The following SNIP1 variants were observed in gnomAD, a reference collection of about 807,000 sequenced individuals.
SNIP1 encodes smad nuclear-interacting protein 1.
SNIP1 carries 23 observed loss-of-function variants against 37.4 expected under a neutral mutation model. The ratio of observed to expected loss-of-function variants is 0.61; its 90% CI spans 0.44 to 0.87. The LOEUF (loss-of-function observed/expected upper bound fraction) is 0.87. Among genes scored for constraint, SNIP1 ranks in the 40% least tolerant of loss-of-function variants. The pLI is 0.00. For missense variants in SNIP1, 459 were observed against 540.4 expected (o/e 0.85, Z 1.49); for synonymous variants, 174 against 200.0 (o/e 0.87, Z 1.10).
rs1478911110 is a variant in SNIP1, at chr1:37,540,193, G to A, written c.890C>T (p.Pro297Leu). ...GACCGCATGCTGCTTTGAACAAGACGGGTGATCAATTGGAATGTCTGCAAT... is the reference window on the plus strand; with the variant it reads ...GACCGCATGCTGCTTTGAACAAGACAGGTGATCAATTGGAATGTCTGCAAT... ...RRIADIPIDH[P>L]SCSKQHAVFQ... Residue 297 changes from proline to leucine, a missense_variant, in exon 3 of 4, where the codon CCG becomes CTG. Transcript: ENST00000296215. This position sits in a 1 kb window ranked among gnomAD's most constrained non-coding sequence, Gnocchi z 5.6. The A allele has an allele frequency of 6.2e-7, 1 of 1,603,306 alleles. No individual in the cohort carries two copies. The highest frequency in any genetic ancestry group is 8.5e-7 in the Non-Finnish European group (1 of 1,171,266).
chr1:37,542,022 ATTTC>A (rs755142497), intron 2 of SNIP1, among the ~76,000 whole-genome samples: 9 of 152,062 alleles, frequency 5.9e-5, no homozygotes, highest in Non-Finnish European at 1.3e-4. Flanking sequence ...TTTTGTTTTA[ATTTC>A]TTTAAGTTGA....
At chr1:37,546,145 ACCC>A (rs34099617) in intron 2 of SNIP1, among the ~76,000 whole-genome samples, 70,281 of 125,352 alleles carry the variant, frequency 0.56, 19,983 homozygotes, top group East Asian at 0.77. Flanking sequence ...TGGGACTAAG[ACCC>A]CCCCCCCCCC....
intron 2 of SNIP1, among the ~76,000 whole-genome samples, chr1:37,543,652 AGATACTT>A (rs1321056590): frequency 5.3e-5 from 8 of 152,118 alleles, no homozygotes; most frequent in African/African-American, 1.9e-4. Flanking sequence ...TAATTTAACT[AGATACTT>A]ATTAAATTTT....
chr1:37,551,092 C>T (rs1316428432), intron 2 of SNIP1, among the ~76,000 whole-genome samples: 1 of 151,500 alleles, frequency 6.6e-6, no homozygotes, highest in African/African-American at 2.4e-5. Flanking sequence ...CACACACACA[C>T]ACACACACAC....
intron 2 of SNIP1, chr1:37,545,030 T>A: frequency 1.3e-6 from 1 of 759,104 alleles, no homozygotes; most frequent in South Asian, 1.3e-5. Flanking sequence ...CCATGATGAC[T>A]GGGAGAGCAG....
chr1:37,540,452 C>A lies in SNIP1; in HGVS notation c.631G>T (p.Gly211Cys), dbSNP rs771753016. ...GGCACCTCTTTTTCTTTGTTGTTGC[C>A]ACCAGGCCGAGGAACCAACTCCTGA... ...ESQELVPRPG[G>C]NNKEKEVPAK... The change falls in exon 3 of 4, where the codon GGC (glycine) becomes TGC (cysteine). Residue 211 changes from glycine (G) to cysteine (C), a missense_variant. Transcript: ENST00000296215. The surrounding 1 kb of genome is among the most constrained non-coding windows in gnomAD (Gnocchi z 5.6). The A allele has an allele frequency of 1.9e-6, 3 of 1,614,072 alleles. No individual in the cohort carries two copies. Among genetic ancestry groups the A allele is most frequent in the Non-Finnish European group, 2.5e-6 (3 of 1,180,004 alleles).
Position 37,538,159 on chromosome 1 carries a change from T to A in SNIP1, c.927-147A>T, listed in dbSNP as rs1039202041. 8.0e-6 allele frequency: 8 copies of A among 995,262 alleles called. No homozygotes were observed. The East Asian group carries it at 2.1e-4, about 27-fold the overall frequency. 61.7% of individuals were successfully genotyped at this position (995,262 alleles called of 1,614,324 possible). On this transcript the variant is annotated intron_variant, in intron 3 of 3. Transcript: ENST00000296215. ...TTAAAATTCTAGGGAATCAAAGAAA[T>A]CAAGGGGAAAGCATGGCCCTGGGAA...
chr1:37,553,797 C>G (rs1643329742), intron 1 of SNIP1, among the ~76,000 whole-genome samples: 1 of 152,122 alleles, frequency 6.6e-6, no homozygotes, highest in South Asian at 2.1e-4. Context: ...GGGATCCTGC[C>G]GGTTAGTCAT....
chr1:37,540,042 G>A lies in SNIP1; in HGVS notation c.926+115C>T. Reference sequence around the variant, plus strand: ...GCAGTTAGATTAACAATACTCTTTAGATAACATATGAGGGGTATGGGATTC... The same window carrying A: ...GCAGTTAGATTAACAATACTCTTTAAATAACATATGAGGGGTATGGGATTC... On this transcript the variant is annotated intron_variant, in intron 3 of 3. Coordinates refer to ENST00000296215, the MANE Select transcript of SNIP1 (RefSeq NM_024700.4). This position sits in a 1 kb window ranked among gnomAD's most constrained non-coding sequence, Gnocchi z 5.6. 1 of 808,712 alleles carries A rather than the reference G, an allele frequency of 1.2e-6. No individual in the cohort carries two copies. Among genetic ancestry groups the A allele is most frequent in the Middle Eastern group, 2.6e-4 (1 of 3,914 alleles). 50.1% of individuals were successfully genotyped at this position (808,712 alleles called of 1,614,324 possible). A position where few individuals can be genotyped will look rare whatever the true frequency, so the allele number is the denominator to read the frequency against.
Position 37,554,082 on chromosome 1 carries a change from C to A in SNIP1, c.148G>T (p.Gly50Cys). The change falls in exon 1 of 4, where the codon GGT (glycine) becomes TGT (cysteine). Residue 50 changes from glycine (G) to cysteine (C), a missense_variant. Transcript: ENST00000296215. ...PPAHRRPDHS[G>C]GSPSPPTSEP... ...CTGGTCGGCGGAGACGGGCTACCACCGGAGTGGTCCGGACGGCGGTGGGCG... is the reference window on the plus strand; with the variant it reads ...CTGGTCGGCGGAGACGGGCTACCACAGGAGTGGTCCGGACGGCGGTGGGCG... 6.2e-7 allele frequency: 1 copy of A among 1,607,486 alleles called. No individual in the cohort carries two copies.
In SNIP1 at chr1:37,544,462, A is replaced by AAAAG. The variant is rs1368696693; in HGVS notation, c.328-3711_328-3708dup. ...ACTCTGTCTCAAAAAAAAAAAAAAA[A>AAAAG]AAAGAAAGAAAGAAACAAGTCTTAT... is the stretch of plus-strand genomic sequence containing the variant. On this transcript the variant is annotated intron_variant, in intron 2 of 3. Coordinates refer to ENST00000296215, the MANE Select transcript of SNIP1 (RefSeq NM_024700.4). 4.9e-4 allele frequency among the ~76,000 whole-genome samples: 74 copies of AAAAG among 150,476 alleles called. 1 individual carries two copies. The highest frequency in any genetic ancestry group is 6.5e-4 in the Non-Finnish European group (44 of 67,598).
chr1:37,542,019 T>G (rs1643180401), intron 2 of SNIP1, among the ~76,000 whole-genome samples: 1 of 152,214 alleles, frequency 6.6e-6, no homozygotes, highest in African/African-American at 2.4e-5. Flanking sequence ...TTTTTTTGTT[T>G]TAATTTCTTT....
At chr1:37,542,115 G>A (rs1295389975) in intron 2 of SNIP1, among the ~76,000 whole-genome samples, 1 of 151,970 alleles carries the variant, frequency 6.6e-6, no homozygotes, top group African/African-American at 2.4e-5. Context: ...CACTACTATT[G>A]CATTTTGGGG....
At chr1:37,548,152 CAAAAAAAAAAAA>C (rs35503081) in intron 2 of SNIP1, among the ~76,000 whole-genome samples, 7,163 of 65,820 alleles carry the variant, frequency 0.11, 310 homozygotes, top group Non-Finnish European at 0.13. Context: ...GACTCCATAT[CAAAAAAAAAAAA>C]AAAAAAAAAA....
At chr1:37,545,200 A>G (rs376214054) in intron 2 of SNIP1, 23 of 686,552 alleles carry the variant, frequency 3.4e-5, no homozygotes, top group East Asian at 2.1e-4. Flanking sequence ...GAATTGGGTG[A>G]CCATGTGACC....
chr1:37,547,241 A>C (rs1044130875), intron 2 of SNIP1, among the ~76,000 whole-genome samples: 1 of 152,172 alleles, frequency 6.6e-6, no homozygotes, highest in Non-Finnish European at 1.5e-5. Context: ...AGAGATAGAG[A>C]GATTCATGGG....
intron 2 of SNIP1, among the ~76,000 whole-genome samples, chr1:37,545,793 G>A (rs537945401): frequency 5.9e-5 from 9 of 151,880 alleles, no homozygotes; most frequent in Admixed American, 2.0e-4. Flanking sequence ...CCCACCCGCC[G>A]CCCTCTCTAA....
chr1:37,544,750 C>G, intron 2 of SNIP1: 5 of 681,198 alleles, frequency 7.3e-6, no homozygotes, highest in Non-Finnish European at 1.4e-5. Flanking sequence ...GCACAGCCAC[C>G]GTGGCCACCA....
chr1:37,547,166 AAATT>A (rs1643248369), intron 2 of SNIP1, among the ~76,000 whole-genome samples: 1 of 152,188 alleles, frequency 6.6e-6, no homozygotes, highest in African/African-American at 2.4e-5. Flanking sequence ...CAGATGTAAT[AAATT>A]AAGGTCATAC....
Sources: allele counts gnomAD v4.1 joint callset (sites outside exome capture counted in the v4.1 genomes callset), GRCh38; gene constraint gnomAD v4.1.1; non-coding constraint Gnocchi (gnomAD v3.1); transcripts MANE v1.5; gene names NCBI Gene and HGNC (gene_info 2026-07-23, HGNC 2026-07-21).